PRMT8: variants seen among roughly 807,000 people sequenced by gnomAD.
PRMT8 encodes protein arginine N-methyltransferase 8.
A neutral mutation model predicts 47.1 loss-of-function variants in PRMT8; 7 were observed. The ratio of observed to expected loss-of-function variants is 0.15; its 90% confidence interval spans 0.08 to 0.28. PRMT8 has a LOEUF of 0.28. Ranked by LOEUF, PRMT8 falls within the 10% of genes least tolerant of loss-of-function variation. PRMT8 has a pLI of 1.00. For synonymous variants in PRMT8, 188 were observed against 186.5 expected, an observed-to-expected ratio of 1.01 and a Z score of -0.07; for missense variants, 237 against 505.4, an observed-to-expected ratio of 0.47 and a Z score of 5.09.
chr12:3,422,741 G>T (rs1460218069), intron 1 of PRMT8, among the ~76,000 whole-genome samples: 1 of 152,206 alleles, frequency 6.6e-6, no homozygotes. Context: ...CGCAGTGCTG[G>T]GCTATCTGCC....
rs962702875 is a variant in PRMT8 at position 3,583,107 on chromosome 12, C to T, written c.878C>T (p.Ala293Val). The change falls in exon 8 of 10, where the codon GCA becomes GTA. Residue 293 changes from alanine to valine, a missense_variant. Around this residue, in one of 5 missense-constraint regions of PRMT8, gnomAD observed 151 missense variants for 341.1 expected, o/e 0.44. Coordinates refer to ENST00000382622, the MANE Select transcript of PRMT8 (RefSeq NM_019854.5). This position sits in a 1 kb window ranked among gnomAD's most constrained non-coding sequence, Gnocchi z 4.7. ...VKTEELSFTS[A>V]FCLQIQRNDY... Reference sequence around the variant, plus strand: ...ACGGAAGAGCTATCGTTCACATCTGCATTCTGCCTGCAGATACAGCGCAAC... The same window carrying T: ...ACGGAAGAGCTATCGTTCACATCTGTATTCTGCCTGCAGATACAGCGCAAC... 6.2e-7 allele frequency: 1 copy of T among 1,614,116 alleles called. No homozygotes were observed. Among genetic ancestry groups the T allele is most frequent in the Admixed American group, 1.7e-5 (1 of 60,028 alleles).
At chr12:3,481,220 C>T (rs936600020) in intron 1 of PRMT8, among the ~76,000 whole-genome samples, 1 of 152,248 alleles carries the variant, frequency 6.6e-6, no homozygotes, top group South Asian at 2.1e-4. Flanking sequence ...CCAGTGCTTT[C>T]TCTGTAACAG....
chr12:3,470,047 GAAAGGTTAAATTATTTTCA>G (rs768666547), intron 1 of PRMT8, among the ~76,000 whole-genome samples: 3 of 152,218 alleles, frequency 2.0e-5, no homozygotes, highest in Non-Finnish European at 4.4e-5. Flanking sequence ...AGTCATGATG[GAAAGGTTAAATTATTTTCA>G]AAACGCTCAA....
intron 1 of PRMT8, among the ~76,000 whole-genome samples, chr12:3,390,069 A>G (rs1285819375): frequency 1.3e-5 from 2 of 152,192 alleles, no homozygotes; most frequent in African/African-American, 2.4e-5. Context: ...GGGCATGGGG[A>G]GAGAGAGTGG....
intron 1 of PRMT8, among the ~76,000 whole-genome samples, chr12:3,455,304 C>A (rs1864962669): frequency 6.6e-6 from 1 of 152,148 alleles, no homozygotes; most frequent in Non-Finnish European, 1.5e-5. Flanking sequence ...ATTTTCGCAC[C>A]CTTTGTGGCT....
chr12:3,593,342 T>A lies in PRMT8; in HGVS notation c.*160T>A, dbSNP rs918988914. On this transcript the variant is annotated 3_prime_UTR_variant, in exon 10 of 10. Transcript: ENST00000382622. The surrounding 1 kb of genome is among the most constrained non-coding windows in gnomAD (Gnocchi z 4.8). ...AACTCCCCAGGGCTCCCGTGGGCTCTGCCACTGGACAGAAGGCCTCCAGCT... is the reference window on the plus strand; with the variant it reads ...AACTCCCCAGGGCTCCCGTGGGCTCAGCCACTGGACAGAAGGCCTCCAGCT... 1 of 624,522 alleles carries A rather than the reference T, an allele frequency of 1.6e-6. No homozygotes were observed. Among genetic ancestry groups the A allele is most frequent in the Admixed American group, 3.0e-5 (1 of 33,060 alleles). The allele number at this position is 624,522 out of a possible 1,614,324, so 38.7% of individuals were successfully genotyped here. A position where few individuals can be genotyped will look rare whatever the true frequency, so the allele number is the denominator to read the frequency against.
At chr12:3,438,718 G>A (rs755421803) in intron 1 of PRMT8, among the ~76,000 whole-genome samples, 4 of 152,148 alleles carry the variant, frequency 2.6e-5, no homozygotes, top group South Asian at 4.1e-4. Context: ...TCAGTAGTTC[G>A]AATAGTGACC....
chr12:3,400,208 C>T lies in PRMT8; in HGVS notation c.48+18766C>T, dbSNP rs1042078684. Reference sequence around the variant, plus strand: ...AGAGACGAAAAACCCTTCAAAAAATCAACAAATCCAAGAGCTCTTGTTTTG... The same window carrying T: ...AGAGACGAAAAACCCTTCAAAAAATTAACAAATCCAAGAGCTCTTGTTTTG... On this transcript the variant is annotated intron_variant, in intron 1 of 9. Coordinates refer to the PRMT8 transcript ENST00000452611. Among the ~76,000 whole-genome samples, 2 of 151,896 alleles carry T rather than the reference C, an allele frequency of 1.3e-5. 1 individual carries two copies.
chr12:3,397,465 G>C (rs531765454), intron 1 of PRMT8, among the ~76,000 whole-genome samples: 3 of 144,834 alleles, frequency 2.1e-5, no homozygotes, highest in African/African-American at 5.1e-5. Flanking sequence ...TTGGAGTACT[G>C]GGCCCTGTGA....
rs1866797080 is a variant in PRMT8, at chr12:3,569,164, G to A, written c.625-313G>A. Among the ~76,000 whole-genome samples the A allele has an allele frequency of 6.6e-6, 1 of 152,238 alleles. No homozygotes were observed. Among genetic ancestry groups the A allele is most frequent in the South Asian group, 2.1e-4 (1 of 4,834 alleles). On this transcript the variant is annotated intron_variant, in intron 5 of 9. Transcript: ENST00000382622. This position sits in a 1 kb window ranked among gnomAD's most constrained non-coding sequence, Gnocchi z 8.2. Reference sequence around the variant, plus strand: ...GTACTTAGGACTTGCATGGCTGCCAGAGCCAGGTGTGCTATTCATCTGGGC... The same window carrying A: ...GTACTTAGGACTTGCATGGCTGCCAAAGCCAGGTGTGCTATTCATCTGGGC...
At chr12:3,412,971 T>G (rs1295947881) in intron 1 of PRMT8, among the ~76,000 whole-genome samples, 1 of 152,234 alleles carries the variant, frequency 6.6e-6, no homozygotes, top group Non-Finnish European at 1.5e-5. Context: ...ATAGCAATCC[T>G]GGTAGCAAAA....
intron 1 of PRMT8, among the ~76,000 whole-genome samples, chr12:3,423,607 AT>A (rs1326483618): frequency 6.6e-6 from 1 of 152,232 alleles, no homozygotes; most frequent in Non-Finnish European, 1.5e-5. Context: ...AATAGTGCCA[AT>A]AACACAACCA....
At chr12:3,434,753 T>TTC (rs1864718773) in intron 1 of PRMT8, among the ~76,000 whole-genome samples, 2 of 150,910 alleles carry the variant, frequency 1.3e-5, no homozygotes, top group African/African-American at 4.9e-5. Flanking sequence ...CCCATCTTTT[T>TTC]TTTTTTTAAA....
intron 1 of PRMT8, among the ~76,000 whole-genome samples, chr12:3,421,917 C>T (rs1416376598): frequency 2.6e-5 from 4 of 152,210 alleles, no homozygotes; most frequent in African/African-American, 9.6e-5. Flanking sequence ...CTCACCACTG[C>T]GCTGCTGGCC....
intron 1 of PRMT8, among the ~76,000 whole-genome samples, chr12:3,504,886 G>A (rs1865592772): frequency 3.4e-5 from 1 of 29,826 alleles, no homozygotes; most frequent in African/African-American, 1.3e-4. Flanking sequence ...TGAGCCAGGT[G>A]TGGGATATAG....
Position 3,544,784 on chromosome 12 carries a change from C to T in PRMT8, c.261+3993C>T, listed in dbSNP as rs146995847. ...TTTAGTTGGGCCTTTGTTTGCCTTG[C>T]GGTCAAGTGGTTAGGCAGGATGTCT... On this transcript the variant is annotated intron_variant, in intron 2 of 9. Transcript: ENST00000382622. 1.4e-4 allele frequency among the ~76,000 whole-genome samples: 22 copies of T among 152,286 alleles called. No homozygotes were observed. In the East Asian group the frequency reaches 1.9e-3, roughly 13 times the overall value.
chr12:3,525,257 A>G (rs1016992134), intron 1 of PRMT8, among the ~76,000 whole-genome samples: 2 of 152,120 alleles, frequency 1.3e-5, no homozygotes, highest in African/African-American at 4.8e-5. Flanking sequence ...TAAGGGAAAC[A>G]GCTGGTGCAT....
At position 3,411,339 on chromosome 12, in the gene PRMT8, A is replaced by G. The variant is rs144793950; in HGVS notation, c.48+29897A>G. The stretch of plus-strand genomic sequence containing the variant: ...TTTATCTTGATTTCCTTCCTCTTTC[A>G]GATTGTAGCACTACAAAATTTCATT... On this transcript the variant is annotated intron_variant, in intron 1 of 9. Coordinates refer to the PRMT8 transcript ENST00000452611. Among the ~76,000 whole-genome samples the G allele has an allele frequency of 1.6e-4, 25 of 152,294 alleles. No individual in the cohort carries two copies. In the East Asian group the frequency reaches 4.8e-3, roughly 29 times the overall value.
intron 1 of PRMT8, among the ~76,000 whole-genome samples, chr12:3,407,352 A>G (rs1042330762): frequency 6.9e-6 from 1 of 145,796 alleles, no homozygotes; most frequent in Non-Finnish European, 1.5e-5. Flanking sequence ...ATAGCATTCT[A>G]GTATTCTTGG....
Sources: gnomAD v4.1 joint callset for allele counts (sites outside exome capture counted in the v4.1 genomes callset) on GRCh38, gnomAD v4.1.1 for gene constraint, gnomAD v4.1.1 regional missense constraint, Gnocchi (gnomAD v3.1) non-coding constraint, MANE v1.5 for transcripts, NCBI Gene and HGNC (gene_info 2026-07-23, HGNC 2026-07-21) for gene names.